DMD: variants seen among roughly 807,000 people sequenced by gnomAD.
DMD encodes dystrophin.
DMD carries 63 observed loss-of-function variants against 330.1 expected under a neutral mutation model. That is an observed-to-expected ratio of 0.19 (90% CI 0.16 to 0.24). The LOEUF is 0.24. Ranked by LOEUF, DMD falls within the 10% of genes least tolerant of loss-of-function variation. The probability of loss-of-function intolerance (pLI) is 1.00; values close to 1 mark genes in which losing one functional copy is unlikely to be tolerated. For synonymous variants in DMD, 1,223 were observed against 959.8 expected (o/e 1.27, Z -5.07); for missense variants, 3,344 against 2,684.1 (o/e 1.25, Z -5.43).
At chrX:31,147,568 A>C in intron 74 of DMD, 50 bp from the exon 75 acceptor site, 1 of 1,016,032 alleles carries the variant, frequency 9.8e-7, no homozygotes, top group Non-Finnish European at 1.3e-6. Flanking sequence ...GAAAAAGAAA[A>C]AGAAGAAAAA....
intron 55 of DMD, among the ~76,000 whole-genome samples, chrX:31,519,532 C>T (rs2072554522): frequency 9.0e-6 from 1 of 111,398 alleles, no homozygotes; most frequent in Admixed American, 9.5e-5. Context: ...CCCCACTTTA[C>T]CCCCTAAAAA....
intron 1 of DMD, among the ~76,000 whole-genome samples, chrX:33,036,811 A>G (rs773095758): frequency 9.6e-4 from 105 of 109,069 alleles, no homozygotes; most frequent in Non-Finnish European, 1.7e-3. Context: ...ATGTGTGTGT[A>G]TATATATATA....
intron 2 of DMD, among the ~76,000 whole-genome samples, chrX:32,929,400 G>A (rs187751522): frequency 3.0e-5 from 3 of 100,480 alleles, no homozygotes; most frequent in African/African-American, 1.1e-4. Context: ...GTGACATGCT[G>A]GAAAGAGGAC....
At chrX:32,696,537 T>A (rs2063667127) in intron 9 of DMD, among the ~76,000 whole-genome samples, 1 of 112,106 alleles carries the variant, frequency 8.9e-6, no homozygotes, top group Non-Finnish European at 1.9e-5. Context: ...GAGCAGAGCC[T>A]AGCAAGATGT....
chrX:31,899,445 G>C (rs1017616878), intron 47 of DMD, among the ~76,000 whole-genome samples: 1 of 109,033 alleles, frequency 9.2e-6, no homozygotes, highest in Non-Finnish European at 1.9e-5. Context: ...AATCTCATTC[G>C]TAAGACTGAA....
intron 13 of DMD, among the ~76,000 whole-genome samples, chrX:32,575,742 A>G (rs1313134403): frequency 8.9e-6 from 1 of 111,936 alleles, no homozygotes; most frequent in African/African-American, 3.3e-5. Context: ...TATAAACTAC[A>G]CCATCTACCT....
intron 61 of DMD, among the ~76,000 whole-genome samples, chrX:31,328,873 T>G: frequency 8.9e-6 from 1 of 112,516 alleles, no homozygotes; most frequent in Non-Finnish European, 1.9e-5. Flanking sequence ...AGCATTTATC[T>G]GCAGCCTTGA....
chrX:32,815,211 T>C (rs895937539), intron 6 of DMD, among the ~76,000 whole-genome samples: 5 of 109,076 alleles, frequency 4.6e-5, no homozygotes, highest in Non-Finnish European at 9.5e-5. Context: ...TTATTTGAAA[T>C]GTGTTTGCTC....
intron 76 of DMD, among the ~76,000 whole-genome samples, chrX:31,137,941 TGAGAG>T (rs768412360): frequency 4.5e-5 from 5 of 111,677 alleles, no homozygotes; most frequent in Non-Finnish European, 9.4e-5. Flanking sequence ...GCAAAGACTC[TGAGAG>T]GAGAGTGTGA....
At chrX:31,969,871 C>T (rs1288666299) in intron 44 of DMD, among the ~76,000 whole-genome samples, 1 of 111,402 alleles carries the variant, frequency 9.0e-6, no homozygotes, top group East Asian at 2.8e-4. Context: ...TCTTGAATGC[C>T]CATGAGATGT....
intron 7 of DMD, among the ~76,000 whole-genome samples, chrX:32,805,790 C>T (rs2076905972): frequency 8.9e-6 from 1 of 111,862 alleles, no homozygotes; most frequent in African/African-American, 3.2e-5. Flanking sequence ...ATTCAACATT[C>T]TTAAAATAAT....
intron 2 of DMD, among the ~76,000 whole-genome samples, chrX:33,010,073 A>ATATATACGTGTATATGCACAT (rs1569549210): frequency 1.9e-5 from 1 of 53,686 alleles, no homozygotes; most frequent in African/African-American, 1.1e-4. Context: ...TATATACACA[A>ATATATACGTGTATATGCACAT]ATGTGCACAT....
At chrX:31,317,825 C>T (rs1174413520) in intron 62 of DMD, among the ~76,000 whole-genome samples, 1 of 111,648 alleles carries the variant, frequency 9.0e-6, no homozygotes, top group Non-Finnish European at 1.9e-5. Flanking sequence ...GAAATGTTTT[C>T]TATGTTGATA....
chrX:32,186,520 T>C (rs186381230), intron 44 of DMD, among the ~76,000 whole-genome samples: 2 of 111,906 alleles, frequency 1.8e-5, no homozygotes, highest in African/African-American at 6.5e-5. Flanking sequence ...ATGATTTAAT[T>C]TGTATTTTTC....
intron 1 of DMD, among the ~76,000 whole-genome samples, chrX:33,106,669 T>C (rs1569554922): frequency 8.9e-6 from 1 of 112,036 alleles, no homozygotes; most frequent in Non-Finnish European, 1.9e-5. Flanking sequence ...TTTGAACACA[T>C]CCACTGTCTT....
intron 7 of DMD, among the ~76,000 whole-genome samples, chrX:32,707,895 T>A (rs1300297640): frequency 9.0e-6 from 1 of 111,685 alleles, no homozygotes; most frequent in East Asian, 2.8e-4. Context: ...GAGATGAAAG[T>A]ATTTTGACTC....
intron 2 of DMD, among the ~76,000 whole-genome samples, chrX:32,942,661 C>G (rs756716557): frequency 8.9e-6 from 1 of 112,123 alleles, no homozygotes; most frequent in Non-Finnish European, 1.9e-5. Context: ...AAGCCCAACA[C>G]GGTAATAGAC....
intron 9 of DMD, among the ~76,000 whole-genome samples, chrX:32,676,012 G>C: frequency 9.0e-6 from 1 of 111,128 alleles, no homozygotes; most frequent in Non-Finnish European, 1.9e-5. Context: ...GGAAAACTTG[G>C]GTTGAGTGAC....
chrX:32,161,998 A>G (rs966200828), intron 44 of DMD, among the ~76,000 whole-genome samples: 18 of 111,647 alleles, frequency 1.6e-4, no homozygotes, highest in African/African-American at 5.2e-4. Context: ...GGCTTCAAAA[A>G]GAAAGAAAAC....
Sources: gnomAD v4.1 joint callset for allele counts (sites outside exome capture counted in the v4.1 genomes callset) on GRCh38, gnomAD v4.1.1 for gene constraint, MANE v1.5 for transcripts, NCBI Gene and HGNC (gene_info 2026-07-23, HGNC 2026-07-21) for gene names.